MYH10: variants seen among roughly 807,000 people sequenced by gnomAD.
MYH10 encodes the protein myosin-10.
Under a neutral mutation model 257.8 loss-of-function variants are expected in MYH10, and 55 were observed. The observed-to-expected ratio is 0.21, with a 90% CI of 0.17 to 0.27. The LOEUF (loss-of-function observed/expected upper bound fraction) is 0.27, where lower values mean the gene tolerates loss of function less well. Ranked by LOEUF, MYH10 falls within the 10% of genes least tolerant of loss-of-function variation. MYH10 has a pLI of 1.00. For synonymous variants in MYH10, 854 were observed against 921.7 expected, an observed-to-expected ratio of 0.93 and a Z score of 1.33; for missense variants, 1,631 against 2,500.6, an observed-to-expected ratio of 0.65 and a Z score of 7.42.
chr17:8,527,557 T>C (rs944348200), intron 17 of MYH10, among the ~76,000 whole-genome samples: 1 of 152,220 alleles, frequency 6.6e-6, no homozygotes, highest in Non-Finnish European at 1.5e-5. Context: ...CTATGAGCGA[T>C]ACTAGACTTA....
intron 20 of MYH10, 25 bp from the exon 21 acceptor site, chr17:8,518,816 T>A (rs761700501): frequency 6.2e-7 from 1 of 1,601,948 alleles, no homozygotes; most frequent in East Asian, 2.2e-5. Context: ...GTTTATTTAC[T>A]TTTTTTAACT....
At chr17:8,590,468 A>G (rs2084084406) in intron 3 of MYH10, among the ~76,000 whole-genome samples, 2 of 151,996 alleles carry the variant, frequency 1.3e-5, no homozygotes, top group Admixed American at 6.6e-5. Flanking sequence ...AGGTGCCACC[A>G]TGCCCGGCTA....
chr17:8,492,389 G>C lies in MYH10; in HGVS notation c.4579C>G (p.Leu1527Val). 6.2e-7 allele frequency: 1 copy of C among 1,613,700 alleles called. No homozygotes were observed. The highest frequency in any genetic ancestry group is 8.5e-7 in the Non-Finnish European group (1 of 1,180,034). ...LSLARALEEA[L>V]EAKEEFERQN... ...CTCTCAAACTCCTCCTTGGCCTCCA[G>C]GGCTTCCTCGAGGGCCCGGGCCAGT... is the stretch of plus-strand genomic sequence containing the variant. The change falls in exon 34 of 43, where the codon CTG (leucine) becomes GTG (valine). Residue 1527 changes from leucine (L) to valine (V), a missense_variant. Leu to Val is a conservative substitution (Grantham distance 32). Transcript: ENST00000360416.
At chr17:8,557,855 G>T (rs1049372068) in intron 7 of MYH10, among the ~76,000 whole-genome samples, 42 of 152,184 alleles carry the variant, frequency 2.8e-4, no homozygotes, top group Middle Eastern at 3.2e-3. Context: ...TGTAATAAAA[G>T]ATATGAATTT....
chr17:8,597,407 A>G (rs1175847436), intron 3 of MYH10, among the ~76,000 whole-genome samples: 1 of 151,082 alleles, frequency 6.6e-6, no homozygotes. Flanking sequence ...TTATATACTT[A>G]TATACTTATT....
intron 7 of MYH10, among the ~76,000 whole-genome samples, chr17:8,555,433 A>T (rs901870646): frequency 2.0e-5 from 3 of 152,226 alleles, no homozygotes; most frequent in Non-Finnish European, 4.4e-5. Flanking sequence ...TGGTGTAAAG[A>T]CAGAGATACA....
chr17:8,520,184 G>A (rs1188863994), intron 19 of MYH10, among the ~76,000 whole-genome samples: 2 of 151,952 alleles, frequency 1.3e-5, no homozygotes, highest in Non-Finnish European at 1.5e-5. Flanking sequence ...TTCCTAAAAG[G>A]AACATACATT....
chr17:8,508,683 C>T lies in MYH10; in HGVS notation c.3091-6G>A, dbSNP rs762743381. ...TCTTCCATGAGTTTCTTTTCCTGGA[C>T]AGGAAAAATTGACTGCTTCAGAAAA... On this transcript the variant is annotated splice_region_variant and splice_polypyrimidine_tract_variant and intron_variant, in intron 25 of 42. Transcript: ENST00000360416. The T allele has an allele frequency of 5.6e-6, 9 of 1,613,326 alleles. No individual in the cohort carries two copies. The highest frequency in any genetic ancestry group is 7.6e-6 in the Non-Finnish European group (9 of 1,179,654).
intron 29 of MYH10, 86 bp downstream of exon 29, chr17:8,500,740 G>T: frequency 2.0e-6 from 3 of 1,497,356 alleles, no homozygotes; most frequent in South Asian, 2.6e-5. Context: ...ATCAATACAT[G>T]ACTGAACAGA....
chr17:8,480,940 T>C (rs1913649063), intron 38 of MYH10, among the ~76,000 whole-genome samples: 1 of 1,916 alleles, frequency 5.2e-4, no homozygotes, highest in African/African-American at 8.7e-4. Context: ...AAAAGGCGCA[T>C]GATGGACGTT....
At chr17:8,619,688 C>T (rs1293851652) in intron 2 of MYH10, among the ~76,000 whole-genome samples, 1 of 152,030 alleles carries the variant, frequency 6.6e-6, no homozygotes, top group Non-Finnish European at 1.5e-5. Context: ...CTCTGGGAGG[C>T]CAAGGCGGGT....
chr17:8,534,990 C>T (rs1368787374), intron 16 of MYH10, among the ~76,000 whole-genome samples: 1 of 151,992 alleles, frequency 6.6e-6, no homozygotes, highest in African/African-American at 2.4e-5. Context: ...GCGGCGGGTG[C>T]GGGTGGTGAG....
chr17:8,570,341 T>A (rs1326959323), intron 6 of MYH10, among the ~76,000 whole-genome samples: 1 of 152,210 alleles, frequency 6.6e-6, no homozygotes, highest in Admixed American at 6.5e-5. Flanking sequence ...GGTAAAGACG[T>A]TGATGCTGCT....
chr17:8,575,914 C>T (rs191813836), intron 6 of MYH10, among the ~76,000 whole-genome samples: 2 of 152,336 alleles, frequency 1.3e-5, no homozygotes, highest in East Asian at 3.9e-4. Flanking sequence ...AAAAGGCAGG[C>T]ATCTGATAAC....
intron 3 of MYH10, among the ~76,000 whole-genome samples, chr17:8,590,873 C>CTTTTTTT (rs398030291): frequency 0.018 from 1,617 of 90,068 alleles, 300 homozygotes; most frequent in African/African-American, 0.035. Flanking sequence ...TCAATGTCGC[C>CTTTTTTT]TTTTTTTTTT....
rs941953732 is a variant in MYH10 at position 8,606,690 on chromosome 17, C to T, written c.346-1708G>A. Among the ~76,000 whole-genome samples, 40 of 152,238 alleles carry T rather than the reference C, an allele frequency of 2.6e-4. 1 individual carries two copies. Among genetic ancestry groups the T allele is most frequent in the African/African-American group, 9.6e-4 (40 of 41,458 alleles). Reference sequence around the variant, plus strand: ...TTGTATTTTCCTGAACTCACAATTGCAGGCTCAGATGTGGAACGCACTTCC... The same window carrying T: ...TTGTATTTTCCTGAACTCACAATTGTAGGCTCAGATGTGGAACGCACTTCC... On this transcript the variant is annotated intron_variant, in intron 2 of 42. Transcript: ENST00000360416.
At chr17:8,518,104 CGT>C (rs58352961) in intron 21 of MYH10, among the ~76,000 whole-genome samples, 29,917 of 116,398 alleles carry the variant, frequency 0.26, 3,842 homozygotes, top group Admixed American at 0.34. Context: ...CCCTTGGCCC[CGT>C]GTGTGTGTGT....
rs375872840 is a variant in MYH10, at chr17:8,481,375, G to A, written c.5211C>T (p.Ala1737=). The change falls in exon 38 of 43, where the codon GCC becomes GCT. Residue 1737 remains alanine (A), a synonymous_variant. Coordinates refer to ENST00000360416, the MANE Select transcript of MYH10 (RefSeq NM_001256012.3). ...CCGCCAGCTCATCTCTCTCCTGCTC[G>A]GCGTGTCGGCGGGCTCGCTCAGATG... is the stretch of plus-strand genomic sequence containing the variant. The part of the protein sequence containing the change: ...LASSERARRH[A]EQERDELADE... 7 of 1,614,066 alleles carry A rather than the reference G, an allele frequency of 4.3e-6. No homozygotes were observed. In the African/African-American group the frequency reaches 5.3e-5, roughly 12 times the overall value.
At chr17:8,558,917 T>G (rs969234193) in intron 7 of MYH10, among the ~76,000 whole-genome samples, 3 of 152,198 alleles carry the variant, frequency 2.0e-5, no homozygotes, top group Non-Finnish European at 4.4e-5. Flanking sequence ...TGTCCACTTA[T>G]GAAACTTATC....
Sources: gnomAD v4.1 joint callset for allele counts (sites outside exome capture counted in the v4.1 genomes callset) on GRCh38, gnomAD v4.1.1 for gene constraint, MANE v1.5 for transcripts, NCBI Gene and HGNC (gene_info 2026-07-23, HGNC 2026-07-21) for gene names.